The following TGIF1 variants were observed in gnomAD, a reference collection of about 807,000 sequenced individuals.
The protein encoded by TGIF1 is homeobox protein TGIF1.
A neutral mutation model predicts 19.3 loss-of-function variants in TGIF1; 4 were observed. The observed-to-expected ratio is 0.21, with a 90% CI of 0.10 to 0.47. The LOEUF is 0.47. Ranked by LOEUF, TGIF1 falls within the 20% of genes least tolerant of loss-of-function variation. The pLI, the probability that TGIF1 is intolerant of heterozygous loss-of-function variation, is 0.98. For missense variants in TGIF1, 275 were observed against 341.4 expected (o/e 0.81, Z 1.53); for synonymous variants, 122 against 129.3 (o/e 0.94, Z 0.38).
At chr18:3,442,178 T>TA (rs1203086686) in intron 2 of TGIF1, among the ~76,000 whole-genome samples, 5 of 152,264 alleles carry the variant, frequency 3.3e-5, no homozygotes, top group African/African-American at 1.2e-4. Flanking sequence ...CAGTAGGGTT[T>TA]TAAAGTTTTC....
chr18:3,416,084 G>GA (rs2143108182), intron 1 of TGIF1, among the ~76,000 whole-genome samples: 1 of 152,332 alleles, frequency 6.6e-6, no homozygotes, highest in African/African-American at 2.4e-5. Context: ...CTGGAATGTA[G>GA]AAACCACTAG....
At chr18:3,445,765 CAAAAAA>C (rs755240649), upstream of TGIF1, among the ~76,000 whole-genome samples, 18 of 35,842 alleles carry the variant, frequency 5.0e-4, no homozygotes, top group African/African-American at 1.5e-3. Context: ...AGAAGAAAAG[CAAAAAA>C]AAAAAAAAAA....
At chr18:3,452,843 C>T (rs1035038426) in intron 1 of TGIF1, among the ~76,000 whole-genome samples, 2 of 152,170 alleles carry the variant, frequency 1.3e-5, no homozygotes, top group African/African-American at 4.8e-5. Flanking sequence ...AGCTCCATTC[C>T]TGAGCCCGGG....
At chr18:3,433,059 T>G (rs1347569832) in intron 2 of TGIF1, among the ~76,000 whole-genome samples, 1 of 134,176 alleles carries the variant, frequency 7.5e-6, no homozygotes, top group East Asian at 2.3e-4. Flanking sequence ...GCGCCTGGCC[T>G]TCTTCTTCTT....
rs559856994 is a variant in TGIF1 at position 3,439,590 on chromosome 18, G to A, written c.-44-16764G>A. On this transcript the variant is annotated intron_variant, in intron 2 of 3. Coordinates refer to the TGIF1 transcript ENST00000401449. ...ACTCCCAACCTCAGGTGATTCGCCC[G>A]CCTCAGCCTCCCAAAGTGCTGGGAT... 2.0e-3 allele frequency among the ~76,000 whole-genome samples: 299 copies of A among 152,142 alleles called. 2 individuals carry two copies. The highest frequency in any genetic ancestry group is 6.9e-3 in the African/African-American group (288 of 41,532).
Position 3,422,673 on chromosome 18 carries a change from CTTTTTTTTTTTT to C in TGIF1, c.-45+4482_-45+4493del, listed in dbSNP as rs869116407. On this transcript the variant is annotated intron_variant, in intron 2 of 3. Coordinates refer to the TGIF1 transcript ENST00000401449. Reference sequence around the variant, plus strand: ...ATGTTAAGTGCCCTATATAGGTGGCCTTTTTTTTTTTTTTTTTTTTTTTTTTTTTTTTTTTGA... The same window carrying C: ...ATGTTAAGTGCCCTATATAGGTGGCCTTTTTTTTTTTTTTTTTTTTTTTGA... Among the ~76,000 whole-genome samples, 6 of 24,660 alleles carry C rather than the reference CTTTTTTTTTTTT, an allele frequency of 2.4e-4. 2 individuals carry two copies. The highest frequency in any genetic ancestry group is 4.4e-4 in the African/African-American group (6 of 13,780). 16.2% of individuals were successfully genotyped at this position (24,660 alleles called of 152,430 possible). A position where few individuals can be genotyped will look rare whatever the true frequency, so the allele number is the denominator to read the frequency against.
At chr18:3,448,056 G>C (rs899331183), upstream of TGIF1, 8 of 982,694 alleles carry the variant, frequency 8.1e-6, no homozygotes, top group Admixed American at 3.7e-4. Context: ...TTTTTGTCTC[G>C]AGCTGGCTAA....
chr18:3,433,867 T>C (rs547059396), intron 2 of TGIF1, among the ~76,000 whole-genome samples: 1 of 152,298 alleles, frequency 6.6e-6, no homozygotes, highest in South Asian at 2.1e-4. Context: ...TTAAAATTGG[T>C]CAAAATGGTA....
rs143258663 is a variant in TGIF1 at position 3,416,465 on chromosome 18, G to A, written c.-117-1678G>A. ...CAGGAGGCAGAGGTTGCAGTGAGCC[G>A]AGATCACGCCACTGCACTCCAGCCT... On this transcript the variant is annotated intron_variant, in intron 1 of 3. Transcript: ENST00000401449. 8.3e-3 allele frequency among the ~76,000 whole-genome samples: 1,255 copies of A among 151,842 alleles called. 40 individuals are homozygous for A. Among genetic ancestry groups the A allele is most frequent in the East Asian group, 0.066 (338 of 5,106 alleles).
Position 3,450,452 on chromosome 18 carries a change from A to G in TGIF1, c.-38A>G, listed in dbSNP as rs1057523111. On this transcript the variant is annotated 5_prime_UTR_variant, in exon 1 of 3. Coordinates refer to ENST00000343820, the MANE Select transcript of TGIF1 (RefSeq NM_003244.4). ...GTGTCCCCGCTCCTGGCCCCTCCAG[A>G]CCCCCGCCTTGCCTCGCGCTGGGAG... The G allele has an allele frequency of 1.4e-5, 22 of 1,553,900 alleles. No homozygotes were observed. The highest frequency in any genetic ancestry group is 1.7e-5 in the Non-Finnish European group (20 of 1,148,568).
intron 1 of TGIF1, among the ~76,000 whole-genome samples, chr18:3,454,091 C>T (rs2083086192): frequency 6.6e-6 from 1 of 152,166 alleles, no homozygotes; most frequent in Non-Finnish European, 1.5e-5. Context: ...GTTACTTCAG[C>T]TTTTGTGCAC....
intron 2 of TGIF1, among the ~76,000 whole-genome samples, chr18:3,443,927 G>A (rs1197071504): frequency 6.7e-6 from 1 of 148,986 alleles, no homozygotes; most frequent in Non-Finnish European, 1.5e-5. Context: ...ATAAATGATT[G>A]TATTCTTTCT....
At position 3,457,768 on chromosome 18, in the gene TGIF1, C is replaced by T; in HGVS notation, c.647C>T (p.Pro216Leu). 1 of 1,614,156 alleles carries T rather than the reference C, an allele frequency of 6.2e-7. No homozygotes were observed. Among genetic ancestry groups the T allele is most frequent in the Non-Finnish European group, 8.5e-7 (1 of 1,180,044 alleles). ...TTCACAGACACCTCTCTCATGTACC[C>T]AGAGGACACTTGTAAATCTGGACCA... is the stretch of plus-strand genomic sequence containing the variant. Reference protein sequence around the residue: ...KNFTDTSLMYPEDTCKSGPST... With the variant: ...KNFTDTSLMYLEDTCKSGPST... The change falls in exon 3 of 3, where the codon CCA (proline) becomes CTA (leucine). Residue 216 changes from proline (P) to leucine (L), a missense_variant. Coordinates refer to ENST00000343820, the MANE Select transcript of TGIF1 (RefSeq NM_003244.4). The surrounding 1 kb of genome is among the most constrained non-coding windows in gnomAD (Gnocchi z 4.9).
chr18:3,429,453 T>G (rs1044973523), intron 2 of TGIF1, among the ~76,000 whole-genome samples: 1 of 150,660 alleles, frequency 6.6e-6, no homozygotes, highest in African/African-American at 2.4e-5. Context: ...AGCCTAACAT[T>G]CCAAGCAAAA....
rs2049404461 is a variant in TGIF1 at position 3,457,649 on chromosome 18, C to T, written c.528C>T (p.Thr176=). The change falls in exon 3 of 3, where the codon ACC becomes ACT. Residue 176 remains threonine (T), a synonymous_variant. Transcript: ENST00000343820. This position sits in a 1 kb window ranked among gnomAD's most constrained non-coding sequence, Gnocchi z 4.9. ...CTCGTCCATCAGTGATCTGCCATAC[C>T]ACTGTGACTGCATTGAAAGATGTCC... ...VLARPSVICH[T]TVTALKDVPF... is the part of the protein sequence containing the mutation. The T allele has an allele frequency of 1.2e-6, 2 of 1,614,228 alleles. No homozygotes were observed. Among genetic ancestry groups the T allele is most frequent in the East Asian group, 2.2e-5 (1 of 44,892 alleles).
upstream of TGIF1, chr18:3,447,647 G>C: frequency 2.1e-6 from 3 of 1,439,060 alleles, no homozygotes; most frequent in Non-Finnish European, 2.9e-6. Flanking sequence ...GTGCATCTAC[G>C]GGAGCGGTTG....
chr18:3,419,383 G>C (rs1598853342), intron 2 of TGIF1, among the ~76,000 whole-genome samples: 1 of 152,156 alleles, frequency 6.6e-6, no homozygotes, highest in Non-Finnish European at 1.5e-5. Context: ...GGACCTTATT[G>C]AGAATAATTA....
At chr18:3,449,618 G>T (rs2082835865), upstream of TGIF1, 4 of 971,516 alleles carry the variant, frequency 4.1e-6, no homozygotes, top group Non-Finnish European at 4.8e-6. Flanking sequence ...GCGCCGCGCC[G>T]CGCCCGCGTG....
At chr18:3,440,352 C>CAA (rs141541364) in intron 2 of TGIF1, among the ~76,000 whole-genome samples, 3 of 120,996 alleles carry the variant, frequency 2.5e-5, no homozygotes, top group Non-Finnish European at 3.6e-5. Flanking sequence ...ACTCTTTCTC[C>CAA]AAAAAAAAAA....
Sources: gnomAD v4.1 joint callset for allele counts (sites outside exome capture counted in the v4.1 genomes callset) on GRCh38, gnomAD v4.1.1 for gene constraint, Gnocchi (gnomAD v3.1) non-coding constraint, MANE v1.5 for transcripts, NCBI Gene and HGNC (gene_info 2026-07-23, HGNC 2026-07-21) for gene names.